Variants in MTFR2 observed in about 807,000 individuals in gnomAD.
The protein encoded by MTFR2 is DUF729 domain-containing protein 1.
In MTFR2, 44 loss-of-function variants were observed where a neutral mutation model predicts 41.2. The observed-to-expected ratio is 1.07, with a 90% CI of 0.84 to 1.37. The LOEUF is 1.37. Ranked by LOEUF, MTFR2 falls within the 40% of genes most tolerant of loss-of-function variation. The probability of loss-of-function intolerance (pLI) is 0.00; values close to 1 mark genes in which losing one functional copy is unlikely to be tolerated. For missense variants in MTFR2, 452 were observed against 459.5 expected (o/e 0.98, Z 0.15); for synonymous variants, 141 against 154.6 (o/e 0.91, Z 0.65).
intron 2 of MTFR2, chr6:136,247,432 T>C (rs1236350523): frequency 2.2e-6 from 1 of 446,318 alleles, no homozygotes; most frequent in East Asian, 7.0e-5. Flanking sequence ...TTTCCAAGAC[T>C]TATTTAATTA....
intron 2 of MTFR2, among the ~76,000 whole-genome samples, chr6:136,248,419 A>G (rs532701878): frequency 2.6e-5 from 4 of 152,306 alleles, no homozygotes; most frequent in Admixed American, 2.6e-4. Flanking sequence ...TGCTCGTGGT[A>G]GTGAATAAGT....
intron 2 of MTFR2, among the ~76,000 whole-genome samples, chr6:136,248,343 C>G (rs1217810742): frequency 6.6e-6 from 1 of 152,168 alleles, no homozygotes; most frequent in Non-Finnish European, 1.5e-5. Flanking sequence ...TTGTAATTAT[C>G]CTCACGTGTC....
At chr6:136,235,254 G>GAAAGAACAGGTTTTCAAGGTGGTGGA (rs377754821) in intron 6 of MTFR2, among the ~76,000 whole-genome samples, 1,865 of 150,878 alleles carry the variant, frequency 0.012, 37 homozygotes, top group African/African-American at 0.042. Flanking sequence ...AAAGACGTGG[G>GAAAGAACAGGTTTTCAAGGTGGTGGA]AAAGAACAGG....
Position 136,233,479 on chromosome 6 carries a change from A to G in MTFR2, c.890T>C (p.Ile297Thr). Reference sequence around the variant, plus strand: ...TGAATTCTGTCTTTTCCTCTTATGAATGGGTCTACCGCCAGGTGACCTATT... The same window carrying G: ...TGAATTCTGTCTTTTCCTCTTATGAGTGGGTCTACCGCCAGGTGACCTATT... ...AIERSPGGRP[I>T]HKRKRQNSHW... Residue 297 changes from isoleucine to threonine, a missense_variant, in exon 7 of 8, where the codon ATT becomes ACT. Coordinates refer to ENST00000420702, the MANE Select transcript of MTFR2 (RefSeq NM_001099286.3). The G allele has an allele frequency of 1.3e-6, 2 of 1,566,974 alleles. No individual in the cohort carries two copies. Among genetic ancestry groups the G allele is most frequent in the Non-Finnish European group, 1.7e-6 (2 of 1,149,308 alleles).
At chr6:136,241,098 A>AG (rs1780060025) in intron 5 of MTFR2, among the ~76,000 whole-genome samples, 2 of 152,248 alleles carry the variant, frequency 1.3e-5, no homozygotes, top group South Asian at 4.1e-4. Flanking sequence ...CTCAAAAAAA[A>AG]AAAAAAAAAG....
At chr6:136,241,376 T>A (rs1481346041) in intron 5 of MTFR2, 68 bp downstream of exon 5, 1 of 1,250,416 alleles carries the variant, frequency 8.0e-7, no homozygotes, top group Non-Finnish European at 1.1e-6. Context: ...AGTATCATGC[T>A]GTACAGGTTG....
chr6:136,243,127 C>T (rs1780124090), intron 3 of MTFR2, among the ~76,000 whole-genome samples, 154 bp from the exon 4 acceptor site: 1 of 152,184 alleles, frequency 6.6e-6, no homozygotes, highest in South Asian at 2.1e-4. Context: ...CGAAAGAACA[C>T]TGGGGAAAAT....
chr6:136,239,419 T>C, intron 6 of MTFR2, 47 bp downstream of exon 6: 1 of 1,449,308 alleles, frequency 6.9e-7, no homozygotes, highest in Non-Finnish European at 9.3e-7. Flanking sequence ...TTTCTAAACA[T>C]AAAATTGACA....
chr6:136,246,706 G>A (rs181894505), intron 2 of MTFR2, among the ~76,000 whole-genome samples: 1 of 152,184 alleles, frequency 6.6e-6, no homozygotes, highest in Admixed American at 6.5e-5. Flanking sequence ...TATGTTCAAT[G>A]CCACTCAAAA....
At chr6:136,244,455 A>G (rs1359643924) in intron 3 of MTFR2, among the ~76,000 whole-genome samples, 1 of 152,236 alleles carries the variant, frequency 6.6e-6, no homozygotes, top group East Asian at 1.9e-4. Flanking sequence ...CATACCATAT[A>G]GCCTGGGTGC....
chr6:136,233,932 C>T (rs528925230), intron 6 of MTFR2, among the ~76,000 whole-genome samples: 1 of 152,102 alleles, frequency 6.6e-6, no homozygotes, highest in Non-Finnish European at 1.5e-5. Context: ...ACTACCACAT[C>T]CGACTCCATT....
At chr6:136,243,670 G>A (rs576211560) in intron 3 of MTFR2, among the ~76,000 whole-genome samples, 22 of 150,788 alleles carry the variant, frequency 1.5e-4, no homozygotes, top group African/African-American at 4.4e-4. Context: ...CCGTTATCAC[G>A]CGACTCCACT....
chr6:136,244,835 G>C lies in MTFR2; in HGVS notation c.98C>G (p.Ser33Ter). ...AATAATACGAACAATACTCCTAGTTGATCCATAGTCTTTATTTTCCCAAAT... is the reference window on the plus strand; with the variant it reads ...AATAATACGAACAATACTCCTAGTTCATCCATAGTCTTTATTTTCCCAAAT... ...LLIWENKDYG[S>*]TRSIVRIIGK... The change falls in exon 3 of 8, where the codon TCA becomes TGA. Residue 33 changes from serine to a stop codon, truncating the protein, a stop_gained. Transcript: ENST00000420702. LOFTEE classifies it high-confidence loss of function. 6.2e-7 allele frequency: 1 copy of C among 1,611,462 alleles called. No individual in the cohort carries two copies. Among genetic ancestry groups the C allele is most frequent in the Non-Finnish European group, 8.5e-7 (1 of 1,179,214 alleles).
intron 6 of MTFR2, among the ~76,000 whole-genome samples, chr6:136,239,001 G>T (rs893398196): frequency 2.0e-5 from 3 of 152,174 alleles, no homozygotes; most frequent in Non-Finnish European, 2.9e-5. Flanking sequence ...CCAGGAGGTC[G>T]AGGCTGCAGT....
In MTFR2 at chr6:136,242,979, G is replaced by A. The variant is rs1420093867; in HGVS notation, c.169-6C>T. ...GAGTTCAAGAGCGGGATCAACTAAAGTAAAAAAAGAAAAAAATAGTCAGAG... is the reference window on the plus strand; with the variant it reads ...GAGTTCAAGAGCGGGATCAACTAAAATAAAAAAAGAAAAAAATAGTCAGAG... On this transcript the variant is annotated splice_region_variant and splice_polypyrimidine_tract_variant and intron_variant, in intron 3 of 7. Transcript: ENST00000420702. 1 of 1,583,826 alleles carries A rather than the reference G, an allele frequency of 6.3e-7. No individual in the cohort carries two copies. Among genetic ancestry groups the A allele is most frequent in the Non-Finnish European group, 8.5e-7 (1 of 1,170,230 alleles).
intron 3 of MTFR2, among the ~76,000 whole-genome samples, chr6:136,244,021 T>C (rs1254384716): frequency 6.6e-6 from 1 of 152,170 alleles, no homozygotes; most frequent in Admixed American, 6.5e-5. Context: ...ATATTTTGTA[T>C]AGCAGTACAA....
At chr6:136,242,094 A>AAAC (rs1780094383) in intron 4 of MTFR2, among the ~76,000 whole-genome samples, 1 of 149,968 alleles carries the variant, frequency 6.7e-6, no homozygotes, top group African/African-American at 2.5e-5. Context: ...AAAAAAAAAA[A>AAAC]AAAAAAAAAA....
Position 136,238,678 on chromosome 6 carries a change from CCACACACACACACACA to C in MTFR2, c.869+772_869+787del, listed in dbSNP as rs60002962. 2.7e-5 allele frequency among the ~76,000 whole-genome samples: 4 copies of C among 146,448 alleles called. No homozygotes were observed. The East Asian group carries it at 5.9e-4, about 22-fold the overall frequency. ...GAATAGAGCTCATTATGTTTTTTCA[CCACACACACACACACA>C]CACACACACACACATGGAACTCAGA... is the stretch of plus-strand genomic sequence containing the variant. On this transcript the variant is annotated intron_variant, in intron 6 of 7. Transcript: ENST00000420702.
Position 136,249,032 on chromosome 6 carries a change from T to G in MTFR2, c.63+5A>C. On this transcript the variant is annotated splice_donor_5th_base_variant and intron_variant, in intron 2 of 7. Coordinates refer to ENST00000420702, the MANE Select transcript of MTFR2 (RefSeq NM_001099286.3). ...AGATCCATTCCAATCCAAAACGACA[T>G]TTACCTGTTCTACAGGAACGCCAAA... is the stretch of plus-strand genomic sequence containing the variant. The G allele has an allele frequency of 6.3e-7, 1 of 1,598,460 alleles. No individual in the cohort carries two copies. Among genetic ancestry groups the G allele is most frequent in the Non-Finnish European group, 8.5e-7 (1 of 1,175,344 alleles).
Sources: gnomAD v4.1 joint callset for allele counts (sites outside exome capture counted in the v4.1 genomes callset) on GRCh38, gnomAD v4.1.1 for gene constraint, MANE v1.5 for transcripts, NCBI Gene and HGNC (gene_info 2026-07-23, HGNC 2026-07-21) for gene names.